CYP1A2: variants seen among roughly 807,000 people sequenced by gnomAD.
The protein encoded by CYP1A2 is cytochrome P450 family 1 subfamily A member 2.
CYP1A2 carries 35 observed loss-of-function variants against 34.7 expected under a neutral mutation model. The observed-to-expected ratio is 1.01, with a 90% CI of 0.77 to 1.34. CYP1A2 has a LOEUF of 1.34. CYP1A2 is among the 40% of genes most tolerant of loss of function. The pLI, the probability that CYP1A2 is intolerant of heterozygous loss-of-function variation, is 0.00. For missense variants in CYP1A2, 675 were observed against 675.8 expected (o/e 1.00, Z 0.01); for synonymous variants, 288 against 281.9 (o/e 1.02, Z -0.22).
chr15:74,754,794 G>A lies in CYP1A2; in HGVS notation c.1257G>A (p.Glu419=). 1 of 1,611,022 alleles carries A rather than the reference G, an allele frequency of 6.2e-7. No individual in the cohort carries two copies. The highest frequency in any genetic ancestry group is 8.5e-7 in the Non-Finnish European group (1 of 1,177,288). ...VNQWQVNHDP[E]LWEDPSEFRP... ...ATCTCCTCTGTTCCTCTTGCAGAGA[G>A]CTGTGGGAGGACCCCTCTGAGTTCC... The change falls in exon 7 of 7, where the codon GAG becomes GAA. Residue 419 remains glutamate (E), a synonymous_variant. Transcript: ENST00000343932.
At position 74,749,854 on chromosome 15, in the gene CYP1A2, T is replaced by C; in HGVS notation, c.116T>C (p.Leu39Pro). Residue 39 changes from leucine (L) to proline (P), a missense_variant, in exon 2 of 7, where the codon CTG becomes CCG. Physicochemically the swap from Leu to Pro is moderately conservative, Grantham distance 98. Transcript: ENST00000343932. ...TTGAGGCCTCGGGTCCCCAAAGGCCTGAAAAGTCCACCAGAGCCATGGGGC... is the reference window on the plus strand; with the variant it reads ...TTGAGGCCTCGGGTCCCCAAAGGCCCGAAAAGTCCACCAGAGCCATGGGGC... ...KGLRPRVPKG[L>P]KSPPEPWGWP... is the part of the protein sequence containing the mutation. 1 of 1,607,304 alleles carries C rather than the reference T, an allele frequency of 6.2e-7. No homozygotes were observed. The highest frequency in any genetic ancestry group is 8.5e-7 in the Non-Finnish European group (1 of 1,174,890).
At chr15:74,749,487 G>A (rs2063303657) in intron 1 of CYP1A2, among the ~76,000 whole-genome samples, 1 of 152,182 alleles carries the variant, frequency 6.6e-6, no homozygotes, top group African/African-American at 2.4e-5. Context: ...ATGATGTGTG[G>A]AGGAGAGAGC....
intron 2 of CYP1A2, among the ~76,000 whole-genome samples, chr15:74,750,934 C>T (rs934161534): frequency 2.9e-4 from 44 of 152,202 alleles, no homozygotes; most frequent in African/African-American, 9.9e-4. Flanking sequence ...CCTGTGTTCA[C>T]ACTAACCTTT....
intron 5 of CYP1A2, among the ~76,000 whole-genome samples, chr15:74,752,630 G>A (rs535256879): frequency 1.1e-4 from 16 of 152,188 alleles, no homozygotes; most frequent in Admixed American, 4.6e-4. Flanking sequence ...AGTCAATGCC[G>A]ACACGAGCTT....
chr15:74,750,011 G>A lies in CYP1A2; in HGVS notation c.273G>A (p.Leu91=). The change falls in exon 2 of 7, where the codon CTG becomes CTA. Residue 91 remains leucine (L), a synonymous_variant. Coordinates refer to ENST00000343932, the MANE Select transcript of CYP1A2 (RefSeq NM_000761.5). ...CGCCCGTGCTGGTGCTGAGCCGCCT[G>A]GACACCATCCGGCAGGCCCTGGTGC... is the stretch of plus-strand genomic sequence containing the variant. ...GSTPVLVLSR[L]DTIRQALVRQ... The A allele has an allele frequency of 2.5e-6, 4 of 1,614,084 alleles. No individual in the cohort carries two copies. The highest frequency in any genetic ancestry group is 3.4e-6 in the Non-Finnish European group (4 of 1,180,018).
chr15:74,751,218 G>A lies in CYP1A2; in HGVS notation c.861G>A (p.Leu287=), dbSNP rs531577033. 1.2e-5 allele frequency: 20 copies of A among 1,614,084 alleles called. No homozygotes were observed. In the South Asian group the frequency reaches 2.1e-4, roughly 17 times the overall value. The change falls in exon 3 of 7, where the codon CTG becomes CTA. Residue 287 remains leucine (L), a synonymous_variant. Transcript: ENST00000343932. ...GTGTCCGGGACATCACGGGTGCCCTGTTCAAGCACAGCAAGAAGGGGCCTA... is the reference window on the plus strand; with the variant it reads ...GTGTCCGGGACATCACGGGTGCCCTATTCAAGCACAGCAAGAAGGGGCCTA... The part of the protein sequence containing the change: ...KNSVRDITGA[L]FKHSKKGPRA...
At chr15:74,753,969 T>G (rs1006543213) in intron 6 of CYP1A2, among the ~76,000 whole-genome samples, 3 of 152,160 alleles carry the variant, frequency 2.0e-5, no homozygotes, top group Non-Finnish European at 2.9e-5. Flanking sequence ...TAGTCATCAT[T>G]ACTCCAAAAC....
At position 74,750,218 on chromosome 15, in the gene CYP1A2, C is replaced by T; in HGVS notation, c.480C>T (p.Tyr160=). The T allele has an allele frequency of 1.2e-6, 2 of 1,614,188 alleles. No individual in the cohort carries two copies. The highest frequency in any genetic ancestry group is 1.1e-5 in the South Asian group (1 of 91,082). ...ACCCAGCTTCCTCATCCTCCTGCTA[C>T]CTGGAGGAGCATGTGAGCAAGGAGG... ...ASDPASSSSC[Y]LEEHVSKEAK... is the part of the protein sequence containing the mutation. The change falls in exon 2 of 7, where the codon TAC becomes TAT. Residue 160 remains tyrosine (Y), a synonymous_variant. Coordinates refer to ENST00000343932, the MANE Select transcript of CYP1A2 (RefSeq NM_000761.5).
rs1401658009 is a variant in CYP1A2 at position 74,750,370 on chromosome 15, A to C, written c.632A>C (p.Glu211Ala). Residue 211 changes from glutamate (E) to alanine (A), a missense_variant, in exon 2 of 7, where the codon GAG (glutamate) becomes GCG (alanine). Coordinates refer to ENST00000343932, the MANE Select transcript of CYP1A2 (RefSeq NM_000761.5). ...GAMCFGQHFP[E>A]SSDEMLSLVK... The stretch of plus-strand genomic sequence containing the variant: ...ATGTGCTTCGGACAGCACTTCCCTG[A>C]GAGTAGCGATGAGATGCTCAGCCTC... 2 of 1,614,078 alleles carry C rather than the reference A, an allele frequency of 1.2e-6. No homozygotes were observed. The highest frequency in any genetic ancestry group is 1.1e-5 in the South Asian group (1 of 91,074).
At chr15:74,751,711 T>C in intron 3 of CYP1A2, 54 bp from the exon 4 acceptor site, 1 of 1,543,080 alleles carries the variant, frequency 6.5e-7, no homozygotes, top group South Asian at 1.1e-5. Flanking sequence ...TGGGAAATGA[T>C]GGTTTCCTTG....
At position 74,754,793 on chromosome 15, in the gene CYP1A2, A is replaced by G. The variant is rs530650066; in HGVS notation, c.1256A>G (p.Glu419Gly). The G allele has an allele frequency of 4.3e-6, 7 of 1,609,386 alleles. No individual in the cohort carries two copies. Among genetic ancestry groups the G allele is most frequent in the Non-Finnish European group, 6.0e-6 (7 of 1,176,100 alleles). Residue 419 changes from glutamate to glycine, a missense_variant and splice_region_variant, in exon 7 of 7, where the codon GAG (glutamate) becomes GGG (glycine). By Grantham distance (98) the Glu-to-Gly change is moderately conservative. Transcript: ENST00000343932. ...CATCTCCTCTGTTCCTCTTGCAGAG[A>G]GCTGTGGGAGGACCCCTCTGAGTTC... ...VNQWQVNHDP[E>G]LWEDPSEFRP...
rs200675446 is a variant in CYP1A2, at chr15:74,755,350, C to CA, written c.*273dup. 2,918 of 150,044 alleles carry CA rather than the reference C, an allele frequency of 0.019. No homozygotes were observed. The highest frequency in any genetic ancestry group is 0.046 in the Middle Eastern group (18 of 390). The allele number at this position is 150,044 out of a possible 1,614,324, so 9.3% of individuals were successfully genotyped here. Reference sequence around the variant, plus strand: ...TGAGTGACAGAGCAAGACCCCATCTCAAAAAAAAAAACAAACAAACAAAAA... The same window carrying CA: ...TGAGTGACAGAGCAAGACCCCATCTCAAAAAAAAAAAACAAACAAACAAAAA... On this transcript the variant is annotated 3_prime_UTR_variant, in exon 7 of 7. Transcript: ENST00000343932.
chr15:74,755,166 C>CT lies in CYP1A2; in HGVS notation c.*85dup, dbSNP rs1196365508. On this transcript the variant is annotated 3_prime_UTR_variant, in exon 7 of 7. Transcript: ENST00000343932. Reference sequence around the variant, plus strand: ...ACTCAGCCCTTGTTTCTCTTCCTTTCTTTTTTTAAAAAATAGCAGCTTTAG... The same window carrying CT: ...ACTCAGCCCTTGTTTCTCTTCCTTTCTTTTTTTTAAAAAATAGCAGCTTTAG... The CT allele has an allele frequency of 1.6e-5, 24 of 1,494,998 alleles. No individual in the cohort carries two copies. In the East Asian group the frequency reaches 1.6e-4, roughly 10 times the overall value. 92.6% of individuals were successfully genotyped at this position (1,494,998 alleles called of 1,614,324 possible). A position where few individuals can be genotyped will look rare whatever the true frequency, so the allele number is the denominator to read the frequency against.
At chr15:74,753,315 T>G (rs1167477956) in intron 6 of CYP1A2, 45 bp downstream of exon 6, 4 of 1,503,128 alleles carry the variant, frequency 2.7e-6, no homozygotes, top group Non-Finnish European at 2.8e-6. Context: ...GGTTCAGCAG[T>G]CAGGAAGGCT....
chr15:74,756,437 A>G lies in CYP1A2; in HGVS notation c.*1349A>G, dbSNP rs909427448. On this transcript the variant is annotated 3_prime_UTR_variant, in exon 7 of 7. Transcript: ENST00000343932. ...CCCGGCCCACAATTAATTTTAGAAC[A>G]TTTTCATCACCCCTAAAAGAAACCC... Among the ~76,000 whole-genome samples, 4 of 151,730 alleles carry G rather than the reference A, an allele frequency of 2.6e-5. No homozygotes were observed. The highest frequency in any genetic ancestry group is 2.6e-4 in the Admixed American group (4 of 15,210).
intron 5 of CYP1A2, 70 bp from the exon 6 acceptor site, chr15:74,753,114 G>C: frequency 8.0e-7 from 1 of 1,249,044 alleles, no homozygotes; most frequent in Non-Finnish European, 1.2e-6. Context: ...TCTGGATGGG[G>C]TGGAGGTAGG....
At position 74,752,091 on chromosome 15, in the gene CYP1A2, C is replaced by T. The variant is rs537366633; in HGVS notation, c.1043-33C>T. On this transcript the variant is annotated intron_variant, in intron 4 of 6. Coordinates refer to ENST00000343932, the MANE Select transcript of CYP1A2 (RefSeq NM_000761.5). ...TAATTCATGGGGCAGTTAGGGCAGCCCCTGAGCTCTGCTTGTCCTCTGTGT... is the reference window on the plus strand; with the variant it reads ...TAATTCATGGGGCAGTTAGGGCAGCTCCTGAGCTCTGCTTGTCCTCTGTGT... 8 of 1,612,564 alleles carry T rather than the reference C, an allele frequency of 5.0e-6. No homozygotes were observed. In the Admixed American group the frequency reaches 1.0e-4, roughly 20 times the overall value.
chr15:74,751,180 C>G lies in CYP1A2; in HGVS notation c.832-9C>G. ...TGCCAGAGGTGCCCCTAAGCTTGTG[C>G]CCCCTCAGAACAGTGTCCGGGACAT... On this transcript the variant is annotated splice_polypyrimidine_tract_variant and intron_variant, in intron 2 of 6. Transcript: ENST00000343932. 1.2e-6 allele frequency: 2 copies of G among 1,613,548 alleles called. No individual in the cohort carries two copies. Among genetic ancestry groups the G allele is most frequent in the Non-Finnish European group, 1.7e-6 (2 of 1,179,760 alleles).
Position 74,755,311 on chromosome 15 carries a change from AT to A in CYP1A2, c.*226del. The A allele has an allele frequency of 2.2e-6, 1 of 464,482 alleles. No individual in the cohort carries two copies. The highest frequency in any genetic ancestry group is 3.9e-5 in the South Asian group (1 of 25,796). 28.8% of individuals were successfully genotyped at this position (464,482 alleles called of 1,614,324 possible). On this transcript the variant is annotated 3_prime_UTR_variant, in exon 7 of 7. Coordinates refer to ENST00000343932, the MANE Select transcript of CYP1A2 (RefSeq NM_000761.5). The stretch of plus-strand genomic sequence containing the variant: ...GGGACCCTGTCTCTACAAAAAAAAA[AT>A]TTGCCAAGAGCCTGAGTGACAGAGC...
Sources: gnomAD v4.1 joint callset for allele counts (sites outside exome capture counted in the v4.1 genomes callset) on GRCh38, gnomAD v4.1.1 for gene constraint, MANE v1.5 for transcripts, NCBI Gene and HGNC (gene_info 2026-07-23, HGNC 2026-07-21) for gene names.